NADK: variants seen among roughly 807,000 people sequenced by gnomAD.
NADK encodes the protein NAD kinase, also known as poly(P)/ATP NAD kinase.
NADK carries 22 observed loss-of-function variants against 49.8 expected under a neutral mutation model. The ratio of observed to expected loss-of-function variants is 0.44; its 90% CI spans 0.32 to 0.63. NADK has a LOEUF of 0.63. Among genes scored for constraint, NADK ranks in the 30% least tolerant of loss-of-function variants. The probability of loss-of-function intolerance (pLI) is 0.06; values close to 1 mark genes in which losing one functional copy is unlikely to be tolerated. For synonymous variants in NADK, 268 were observed against 253.7 expected (o/e 1.06, Z -0.54); for missense variants, 438 against 609.4 (o/e 0.72, Z 2.96).
chr1:1,765,142 CAGG>C (rs927760831), intron 2 of NADK, 83 bp downstream of exon 2: 4 of 1,348,706 alleles, frequency 3.0e-6, no homozygotes, highest in Admixed American at 4.7e-5. Context: ...GCAGACTACT[CAGG>C]AGAATTCTTC....
chr1:1,761,907 TC>T, intron 3 of NADK, 44 bp downstream of exon 3: 1 of 1,580,970 alleles, frequency 6.3e-7, no homozygotes, highest in South Asian at 1.1e-5. Flanking sequence ...GTCTAGGGGT[TC>T]TCTCCCTTCC....
chr1:1,755,775 C>T (rs951311665), intron 6 of NADK, among the ~76,000 whole-genome samples: 1 of 152,074 alleles, frequency 6.6e-6, no homozygotes, highest in African/African-American at 2.4e-5. Flanking sequence ...GCCTTGGGGT[C>T]GGAGCCTCGC....
At chr1:1,768,167 G>A (rs1163481330) in intron 1 of NADK, among the ~76,000 whole-genome samples, 5 of 135,652 alleles carry the variant, frequency 3.7e-5, no homozygotes, top group East Asian at 2.1e-4. Context: ...GCAAAACTCC[G>A]TCTCAAAAAA....
rs562812682 is a variant in NADK at position 1,758,537 on chromosome 1, T to C, written c.264-1227A>G. 9.6e-5 allele frequency: 153 copies of C among 1,588,096 alleles called. 2 individuals carry two copies. The South Asian group carries it at 1.6e-3, about 16-fold the overall frequency. ...CGAACACGCGGCCGCCCCATCGGTA[T>C]GGTCCTGACTGTGCGCCCACACTAG... On this transcript the variant is annotated intron_variant, in intron 3 of 11. Transcript: ENST00000341426.
intron 1 of NADK, among the ~76,000 whole-genome samples, chr1:1,768,166 C>T (rs1233990011): frequency 2.1e-5 from 3 of 141,442 alleles, no homozygotes; most frequent in Non-Finnish European, 3.1e-5. Flanking sequence ...AGCAAAACTC[C>T]GTCTCAAAAA....
chr1:1,760,731 CCT>C (rs1645695297), intron 3 of NADK, among the ~76,000 whole-genome samples: 1 of 149,622 alleles, frequency 6.7e-6, no homozygotes, highest in Non-Finnish European at 1.5e-5. Flanking sequence ...TGCACAGAGG[CCT>C]GAGAGCTGAG....
intron 11 of NADK, 40 bp from the exon 12 acceptor site, chr1:1,753,100 A>G: frequency 6.3e-7 from 1 of 1,581,682 alleles, no homozygotes; most frequent in South Asian, 1.1e-5. Context: ...GGGCTTCCAG[A>G]AAGGCCCACC....
intron 1 of NADK, among the ~76,000 whole-genome samples, chr1:1,765,755 A>G (rs1205866182): frequency 6.6e-6 from 1 of 151,982 alleles, no homozygotes; most frequent in Non-Finnish European, 1.5e-5. Flanking sequence ...CGTCTCTACT[A>G]AAAATACAAA....
At chr1:1,773,711 T>A (rs1474027514) in intron 1 of NADK, among the ~76,000 whole-genome samples, 3,938 of 113,570 alleles carry the variant, frequency 0.035, 118 homozygotes, top group East Asian at 0.055. Context: ...TGTGTGTGTG[T>A]GTGTGTGTGT....
chr1:1,758,700 T>C (rs1396541258), intron 3 of NADK: 6 of 1,380,788 alleles, frequency 4.3e-6, no homozygotes, highest in East Asian at 2.6e-5. Flanking sequence ...AGTTTCCTCA[T>C]TGGTCACATG....
At chr1:1,769,049 A>T (rs915538202) in intron 1 of NADK, among the ~76,000 whole-genome samples, 4 of 152,222 alleles carry the variant, frequency 2.6e-5, no homozygotes, top group African/African-American at 7.2e-5. Flanking sequence ...GGCACTTTAA[A>T]AGAGCTCCCC....
At chr1:1,763,309 C>T (rs865812183) in intron 2 of NADK, among the ~76,000 whole-genome samples, 159 of 152,270 alleles carry the variant, frequency 1.0e-3, no homozygotes, top group African/African-American at 3.5e-3. Context: ...CGGTGAAACC[C>T]TGTCTCTACA....
chr1:1,761,723 G>A (rs1477800830), intron 3 of NADK: 6 of 449,074 alleles, frequency 1.3e-5, no homozygotes, highest in Middle Eastern at 6.4e-4. Context: ...GCCCCCGCTC[G>A]GATGCCTGCA....
intron 11 of NADK, 116 bp downstream of exon 11, chr1:1,753,451 C>T (rs976587526): frequency 2.0e-5 from 16 of 794,018 alleles, no homozygotes; most frequent in Non-Finnish European, 3.0e-5. Context: ...GGGACTCAGG[C>T]CCTGTGGTGC....
At chr1:1,760,962 T>G (rs1042076058) in intron 3 of NADK, among the ~76,000 whole-genome samples, 1 of 152,114 alleles carries the variant, frequency 6.6e-6, no homozygotes, top group Non-Finnish European at 1.5e-5. Flanking sequence ...CCTTGGCAAC[T>G]GGGACTACAG....
intron 1 of NADK, among the ~76,000 whole-genome samples, chr1:1,769,739 A>G (rs79833347): frequency 8.2e-5 from 7 of 84,858 alleles, no homozygotes; most frequent in African/African-American, 3.2e-4. Flanking sequence ...AATGAAAAGA[A>G]AAAAAAAAAA....
intron 1 of NADK, among the ~76,000 whole-genome samples, chr1:1,770,480 A>T (rs554733449): frequency 1.3e-5 from 2 of 152,368 alleles, no homozygotes; most frequent in East Asian, 3.9e-4. Context: ...AATTCAATAC[A>T]CAAAAATCGC....
intron 6 of NADK, among the ~76,000 whole-genome samples, chr1:1,755,843 C>T (rs908741554): frequency 1.3e-4 from 20 of 152,158 alleles, no homozygotes; most frequent in African/African-American, 4.8e-4. Flanking sequence ...GCGGGCATTT[C>T]CGGTGTCACC....
rs749474099 is a variant in NADK, at chr1:1,753,063, G to A, written c.1185-3C>T. ...AGCATGAGGTAGTGATGCTGATGCT[G>A]GGACGGGAGAGCAGCAGCCTGAGCC... On this transcript the variant is annotated splice_polypyrimidine_tract_variant and splice_region_variant and intron_variant, in intron 11 of 11. Coordinates refer to ENST00000341426, the MANE Select transcript of NADK (RefSeq NM_023018.5). The A allele has an allele frequency of 2.7e-5, 44 of 1,606,744 alleles. No homozygotes were observed. The South Asian group carries it at 4.5e-4, about 17-fold the overall frequency.
Sources: gnomAD v4.1 joint callset for allele counts (sites outside exome capture counted in the v4.1 genomes callset) on GRCh38, gnomAD v4.1.1 for gene constraint, MANE v1.5 for transcripts, NCBI Gene and HGNC (gene_info 2026-07-23, HGNC 2026-07-21) for gene names.